Variants in TMEM131 observed in about 807,000 individuals in gnomAD.
TMEM131 encodes the protein 2610524E03Rik.
Under a neutral mutation model 211.6 loss-of-function variants are expected in TMEM131, and 66 were observed. That is an observed-to-expected ratio of 0.31 (90% CI 0.26 to 0.38). The LOEUF is 0.38. TMEM131 is among the 10% of genes least tolerant of loss of function. The probability of loss-of-function intolerance (pLI) is 1.00; values close to 1 mark genes in which losing one functional copy is unlikely to be tolerated. For missense variants in TMEM131, 2,036 were observed against 2,299.3 expected, an observed-to-expected ratio of 0.89 and a Z score of 2.34; for synonymous variants, 844 against 841.3, an observed-to-expected ratio of 1.00 and a Z score of -0.06.
At chr2:97,777,278 T>C (rs989134540) in intron 31 of TMEM131, among the ~76,000 whole-genome samples, 1 of 152,228 alleles carries the variant, frequency 6.6e-6, no homozygotes, top group Non-Finnish European at 1.5e-5. Flanking sequence ...TAATTTCTAA[T>C]ACATCTTTTC....
intron 5 of TMEM131, among the ~76,000 whole-genome samples, chr2:97,854,467 T>C (rs1193379699): frequency 2.0e-5 from 3 of 152,196 alleles, no homozygotes; most frequent in African/African-American, 7.2e-5. Flanking sequence ...CTCTTCCACG[T>C]ACCACTCTGG....
chr2:97,892,980 G>A (rs938742169), intron 3 of TMEM131, among the ~76,000 whole-genome samples: 3 of 151,972 alleles, frequency 2.0e-5, no homozygotes, highest in Non-Finnish European at 4.4e-5. Flanking sequence ...CATGTGCCAT[G>A]GTGGTTTGCT....
At chr2:97,947,418 T>C (rs550880196) in intron 1 of TMEM131, among the ~76,000 whole-genome samples, 1 of 151,990 alleles carries the variant, frequency 6.6e-6, no homozygotes, top group African/African-American at 2.4e-5. Flanking sequence ...AGTAGGAAAA[T>C]GCAAGGCCAA....
Position 97,757,275 on chromosome 2 carries a change from G to T in TMEM131, c.5476C>A (p.Leu1826Met), listed in dbSNP as rs772028723. The change falls in exon 41 of 41, where the codon CTG becomes ATG. Residue 1826 changes from leucine (L) to methionine (M), a missense_variant. Physicochemically the swap from Leu to Met is conservative, Grantham distance 15. This residue lies in a region of TMEM131 where 1,623 missense variants were observed against 1,805.9 expected (regional missense o/e 0.90). Transcript: ENST00000186436. ...ALPFTTPANT[L>M]ASIGLMGTEN... ...GTGCCCATGAGGCCGATGCTTGCCA[G>T]CGTGTTTGCTGGAGTGGTGAAGGGA... The T allele has an allele frequency of 6.2e-7, 1 of 1,613,958 alleles. No homozygotes were observed. The highest frequency in any genetic ancestry group is 8.5e-7 in the Non-Finnish European group (1 of 1,179,894).
intron 4 of TMEM131, among the ~76,000 whole-genome samples, chr2:97,878,177 G>A (rs1033825896): frequency 6.6e-6 from 1 of 152,136 alleles, no homozygotes; most frequent in Non-Finnish European, 1.5e-5. Flanking sequence ...TTAGAATGGC[G>A]ATCATTAAAA....
At chr2:97,924,973 A>G (rs1379360059) in intron 2 of TMEM131, among the ~76,000 whole-genome samples, 2 of 152,162 alleles carry the variant, frequency 1.3e-5, no homozygotes, top group Non-Finnish European at 2.9e-5. Context: ...TCGACCTCCC[A>G]GGCTCAAGCG....
intron 10 of TMEM131, 55 bp downstream of exon 10, chr2:97,834,566 C>T: frequency 5.4e-6 from 7 of 1,290,160 alleles, no homozygotes; most frequent in South Asian, 2.9e-5. Context: ...GCACTGAATA[C>T]AGGGGTTAAA....
At chr2:97,937,201 C>G (rs900750659) in intron 1 of TMEM131, among the ~76,000 whole-genome samples, 2 of 151,948 alleles carry the variant, frequency 1.3e-5, no homozygotes, top group African/African-American at 4.8e-5. Flanking sequence ...CTTCACCAAA[C>G]AGAAAATATC....
chr2:97,776,335 G>T (rs971877600), intron 31 of TMEM131, among the ~76,000 whole-genome samples: 1 of 152,160 alleles, frequency 6.6e-6, no homozygotes, highest in Non-Finnish European at 1.5e-5. Flanking sequence ...GATTACAGGC[G>T]TGAGCCACCA....
intron 1 of TMEM131, among the ~76,000 whole-genome samples, chr2:97,983,662 T>C (rs898682747): frequency 1.3e-5 from 2 of 152,170 alleles, no homozygotes; most frequent in Non-Finnish European, 2.9e-5. Flanking sequence ...GAAAGGACTG[T>C]AGAAGCTCAA....
intron 11 of TMEM131, among the ~76,000 whole-genome samples, chr2:97,830,150 A>C (rs1345544439): frequency 6.6e-6 from 1 of 150,732 alleles, no homozygotes; most frequent in South Asian, 2.1e-4. Flanking sequence ...AAAAAAAAAA[A>C]AAAAAACCAA....
At chr2:97,973,438 G>A (rs147771567) in intron 1 of TMEM131, among the ~76,000 whole-genome samples, 2 of 152,350 alleles carry the variant, frequency 1.3e-5, no homozygotes, top group African/African-American at 4.8e-5. Flanking sequence ...CCACAGTGCA[G>A]GGAGGGGAAA....
intron 4 of TMEM131, among the ~76,000 whole-genome samples, chr2:97,880,073 G>C (rs1434253068): frequency 6.6e-6 from 1 of 151,814 alleles, no homozygotes; most frequent in South Asian, 2.1e-4. Context: ...TAATCCCTGA[G>C]TTTATGTTAA....
chr2:97,790,790 TTAA>T (rs1465099975), intron 31 of TMEM131, among the ~76,000 whole-genome samples: 5 of 152,242 alleles, frequency 3.3e-5, no homozygotes, highest in African/African-American at 4.8e-5. Context: ...GTAAGCTCAG[TTAA>T]TAATGGGTTA....
intron 1 of TMEM131, among the ~76,000 whole-genome samples, chr2:97,971,431 G>A (rs1679290805): frequency 6.6e-6 from 1 of 152,164 alleles, no homozygotes; most frequent in African/African-American, 2.4e-5. Flanking sequence ...TAAGACAGTT[G>A]ATACTGATCT....
chr2:97,788,585 A>G (rs1573361689), intron 31 of TMEM131, among the ~76,000 whole-genome samples: 1 of 152,054 alleles, frequency 6.6e-6, no homozygotes, highest in Middle Eastern at 3.4e-3. Flanking sequence ...GGCCCACTCC[A>G]CCACCTGGGC....
At chr2:97,855,950 T>C (rs1224198177) in intron 5 of TMEM131, among the ~76,000 whole-genome samples, 2 of 152,160 alleles carry the variant, frequency 1.3e-5, no homozygotes, top group Non-Finnish European at 2.9e-5. Flanking sequence ...CTTCAACCCA[T>C]GAGAAGAGAT....
chr2:97,908,439 G>A (rs923808916), intron 3 of TMEM131, among the ~76,000 whole-genome samples: 5 of 152,118 alleles, frequency 3.3e-5, no homozygotes, highest in African/African-American at 1.2e-4. Flanking sequence ...ACAGCCCTTC[G>A]TACACGACAG....
rs553521354 is a variant in TMEM131, at chr2:97,902,886, C to T, written c.290+5772G>A. On this transcript the variant is annotated intron_variant, in intron 3 of 40. Transcript: ENST00000186436. ...TCTTTCTCCTGTGCTGGATGGTTCTCGCCCTTGAACGCTGGACTCCCAAGT... is the reference window on the plus strand; with the variant it reads ...TCTTTCTCCTGTGCTGGATGGTTCTTGCCCTTGAACGCTGGACTCCCAAGT... Among the ~76,000 whole-genome samples the T allele has an allele frequency of 3.9e-5, 6 of 152,260 alleles. No individual in the cohort carries two copies. The South Asian group carries it at 1.0e-3, about 26-fold the overall frequency.
Sources: gnomAD v4.1 joint callset for allele counts (sites outside exome capture counted in the v4.1 genomes callset) on GRCh38, gnomAD v4.1.1 for gene constraint, gnomAD v4.1.1 regional missense constraint, MANE v1.5 for transcripts, NCBI Gene and HGNC (gene_info 2026-07-23, HGNC 2026-07-21) for gene names.